PSD3: variants seen among roughly 807,000 people sequenced by gnomAD.
PSD3 encodes PH and SEC7 domain-containing protein 3.
A neutral mutation model predicts 105.5 loss-of-function variants in PSD3; 49 were observed. That is an observed-to-expected ratio of 0.46 (90% CI 0.37 to 0.59). The LOEUF (loss-of-function observed/expected upper bound fraction) is 0.59. PSD3 is among the 20% of genes least tolerant of loss of function. The pLI is 0.00. For synonymous variants in PSD3, 557 were observed against 457.8 expected (o/e 1.22, Z -2.77); for missense variants, 1,561 against 1,263.8 (o/e 1.24, Z -3.57).
At chr8:18,695,193 T>A (rs1365586859) in intron 9 of PSD3, among the ~76,000 whole-genome samples, 1 of 152,186 alleles carries the variant, frequency 6.6e-6, no homozygotes, top group Admixed American at 6.5e-5. Flanking sequence ...GAGCTAATGT[T>A]ACAGTAATAT....
At chr8:19,031,622 A>G (rs1246904532) in intron 1 of PSD3, among the ~76,000 whole-genome samples, 1 of 152,172 alleles carries the variant, frequency 6.6e-6, no homozygotes, top group East Asian at 1.9e-4. Flanking sequence ...AAATGGACTA[A>G]AAGGCTCTCT....
chr8:18,670,508 A>T lies in PSD3; in HGVS notation c.2173-14823T>A, dbSNP rs138034407. Among the ~76,000 whole-genome samples the T allele has an allele frequency of 3.1e-3, 471 of 152,198 alleles. 3 individuals are homozygous for T. Among genetic ancestry groups the T allele is most frequent in the African/African-American group, 0.011 (439 of 41,530 alleles). On this transcript the variant is annotated intron_variant, in intron 9 of 15. Transcript: ENST00000327040. ...TCTGGGTGAGAGGTGAGGTAAGTTG[A>T]CTGGGATGAAGGCAGGCAGTGGCGG...
intron 9 of PSD3, among the ~76,000 whole-genome samples, chr8:18,680,965 A>G (rs1278892488): frequency 6.6e-6 from 1 of 150,922 alleles, no homozygotes; most frequent in African/African-American, 2.4e-5. Flanking sequence ...ACAAGTGAGG[A>G]CTACAGATAA....
chr8:19,049,509 G>A lies in PSD3; in HGVS notation c.324+34697C>T, dbSNP rs545809285. On this transcript the variant is annotated intron_variant, in intron 1 of 1. Transcript: ENST00000521475. Reference sequence around the variant, plus strand: ...GTTCAGGACCAGCCCAGACAACATAGCAAGACCCTACCTCTGCAAAATTTT... The same window carrying A: ...GTTCAGGACCAGCCCAGACAACATAACAAGACCCTACCTCTGCAAAATTTT... 2.8e-3 allele frequency among the ~76,000 whole-genome samples: 430 copies of A among 151,996 alleles called. 1 individual carries two copies. The highest frequency in any genetic ancestry group is 0.01 in the African/African-American group (421 of 41,454).
At chr8:18,713,476 T>C (rs974820182) in intron 9 of PSD3, among the ~76,000 whole-genome samples, 3 of 152,142 alleles carry the variant, frequency 2.0e-5, no homozygotes, top group African/African-American at 7.2e-5. Context: ...TAAGCATTCC[T>C]ATACACCAAC....
At chr8:18,681,403 T>C (rs1206015504) in intron 9 of PSD3, among the ~76,000 whole-genome samples, 1 of 140,418 alleles carries the variant, frequency 7.1e-6, no homozygotes, top group Non-Finnish European at 1.5e-5. Context: ...GCCCAGGAGT[T>C]GGAGACCAAC....
chr8:18,650,665 T>C (rs554430179), intron 10 of PSD3, among the ~76,000 whole-genome samples: 85 of 152,338 alleles, frequency 5.6e-4, no homozygotes, highest in Non-Finnish European at 4.0e-4. Context: ...GGCACAGCAC[T>C]GGGCCAGGCA....
chr8:19,012,071 G>C (rs1331571253), intron 1 of PSD3, among the ~76,000 whole-genome samples: 2 of 152,290 alleles, frequency 1.3e-5, no homozygotes, highest in East Asian at 3.9e-4. Flanking sequence ...TAAATAATTT[G>C]CCCAAGACGG....
At chr8:18,588,487 T>C (rs570647205) in intron 12 of PSD3, among the ~76,000 whole-genome samples, 6 of 152,326 alleles carry the variant, frequency 3.9e-5, no homozygotes, top group South Asian at 2.1e-4. Flanking sequence ...TGTAAGTAGA[T>C]AGTTTACAGC....
intron 11 of PSD3, among the ~76,000 whole-genome samples, chr8:18,603,260 C>T (rs927031230): frequency 3.9e-5 from 6 of 152,150 alleles, no homozygotes; most frequent in Admixed American, 6.5e-5. Context: ...TTCCAACAAT[C>T]TGCCTCTAAC....
chr8:18,823,812 A>C (rs933496849), intron 4 of PSD3, among the ~76,000 whole-genome samples: 2 of 149,736 alleles, frequency 1.3e-5, no homozygotes, highest in Non-Finnish European at 3.0e-5. Flanking sequence ...ACACACACAC[A>C]CACCCCATTC....
At chr8:19,045,486 A>G (rs899948100) in intron 1 of PSD3, among the ~76,000 whole-genome samples, 2 of 152,182 alleles carry the variant, frequency 1.3e-5, no homozygotes, top group African/African-American at 4.8e-5. Flanking sequence ...TGGACAAACA[A>G]TAAGCATTTC....
intron 9 of PSD3, among the ~76,000 whole-genome samples, chr8:18,752,538 TATATATA>T (rs1563225223): frequency 0.024 from 830 of 34,364 alleles, 39 homozygotes; most frequent in African/African-American, 0.12. Flanking sequence ...AATTATATAT[TATATATA>T]TTATATATAA....
chr8:19,027,543 T>C (rs1827599941), intron 1 of PSD3, among the ~76,000 whole-genome samples: 1 of 152,190 alleles, frequency 6.6e-6, no homozygotes, highest in Non-Finnish European at 1.5e-5. Context: ...ACAATGAGGA[T>C]ATTTCACCCC....
In PSD3 at chr8:19,082,763, G is replaced by A. The variant is rs897133269; in HGVS notation, c.324+1443C>T. Among the ~76,000 whole-genome samples, 6 of 152,348 alleles carry A rather than the reference G, an allele frequency of 3.9e-5. No homozygotes were observed. The South Asian group carries it at 1.2e-3, about 32-fold the overall frequency. The stretch of plus-strand genomic sequence containing the variant: ...ACTGAAGTACACAAACAATAACTGT[G>A]TGACCCCACATACAGAGATGGGCTC... On this transcript the variant is annotated intron_variant, in intron 1 of 1. Transcript: ENST00000521475.
At chr8:18,821,018 G>T (rs1436009973) in intron 4 of PSD3, among the ~76,000 whole-genome samples, 1 of 152,178 alleles carries the variant, frequency 6.6e-6, no homozygotes, top group African/African-American at 2.4e-5. Flanking sequence ...CCCAAATGCT[G>T]AGATTATAAA....
intron 4 of PSD3, among the ~76,000 whole-genome samples, chr8:18,855,721 G>T (rs1262247228): frequency 6.6e-6 from 1 of 152,146 alleles, no homozygotes; most frequent in African/African-American, 2.4e-5. Flanking sequence ...AATGATTACA[G>T]ATGCACATCT....
intron 9 of PSD3, chr8:18,684,088 C>T: frequency 1.7e-6 from 1 of 581,902 alleles, no homozygotes; most frequent in Non-Finnish European, 3.1e-6. Flanking sequence ...GGCTGCCTCC[C>T]CCAGCATCTT....
At chr8:18,612,750 G>A (rs1432247005) in intron 11 of PSD3, among the ~76,000 whole-genome samples, 1 of 152,128 alleles carries the variant, frequency 6.6e-6, no homozygotes, top group African/African-American at 2.4e-5. Context: ...CATTTACTCC[G>A]ATTAATATAT....
Sources: allele counts gnomAD v4.1 joint callset (sites outside exome capture counted in the v4.1 genomes callset), GRCh38; gene constraint gnomAD v4.1.1; transcripts MANE v1.5; gene names NCBI Gene and HGNC (gene_info 2026-07-23, HGNC 2026-07-21).